Variants in TSHZ2 observed in about 807,000 individuals in gnomAD.
TSHZ2 encodes teashirt zinc finger homeobox 2.
A neutral mutation model predicts 74.4 loss-of-function variants in TSHZ2; 21 were observed. The observed-to-expected ratio is 0.28, with a 90% CI of 0.20 to 0.41. The LOEUF (loss-of-function observed/expected upper bound fraction) is 0.41. Ranked by LOEUF, TSHZ2 falls within the 10% of genes least tolerant of loss-of-function variation. The probability of loss-of-function intolerance (pLI) is 1.00; values close to 1 mark genes in which losing one functional copy is unlikely to be tolerated. For synonymous variants in TSHZ2, 540 were observed against 515.3 expected (o/e 1.05, Z -0.65); for missense variants, 1,244 against 1,293.5 (o/e 0.96, Z 0.59).
chr20:53,065,081 T>A (rs747545772), intron 1 of TSHZ2, among the ~76,000 whole-genome samples: 12 of 152,232 alleles, frequency 7.9e-5, no homozygotes, highest in Non-Finnish European at 1.8e-4. Context: ...ATTTATGTGA[T>A]CTTTGTCAAT....
chr20:53,419,074 C>T, intron 2 of TSHZ2, among the ~76,000 whole-genome samples: 1 of 152,194 alleles, frequency 6.6e-6, no homozygotes, highest in East Asian at 1.9e-4. Flanking sequence ...AAAGCTAGAT[C>T]CATCGGGAAG....
chr20:53,330,016 C>G lies in TSHZ2; in HGVS notation c.*8+73445C>G, dbSNP rs139747890. On this transcript the variant is annotated intron_variant, in intron 2 of 2. Transcript: ENST00000371497. ...GAACACAGCCATGTCCATTTGTTTA[C>G]ATGTTATCTATGGCTAATTTCACGA... Among the ~76,000 whole-genome samples the G allele has an allele frequency of 7.2e-5, 11 of 152,312 alleles. No homozygotes were observed. The East Asian group carries it at 2.1e-3, about 29-fold the overall frequency.
intron 1 of TSHZ2, among the ~76,000 whole-genome samples, chr20:53,190,137 A>ATATATATATATATATATATT (rs1568803538): frequency 1.1e-5 from 1 of 90,498 alleles, no homozygotes; most frequent in Non-Finnish European, 2.2e-5. Context: ...ATATATATAT[A>ATATATATATATATATATATT]TTTTCTTAAA....
chr20:53,089,210 C>T (rs1265135986), intron 1 of TSHZ2, among the ~76,000 whole-genome samples: 1 of 150,684 alleles, frequency 6.6e-6, no homozygotes, highest in African/African-American at 2.4e-5. Context: ...AATGTTAGCT[C>T]ATAAAACATA....
At chr20:53,476,655 G>T (rs1268277267) in intron 2 of TSHZ2, among the ~76,000 whole-genome samples, 1 of 142,078 alleles carries the variant, frequency 7.0e-6, no homozygotes, top group East Asian at 2.1e-4. Flanking sequence ...GGAAGTTCTG[G>T]CCAGGGCAAT....
At chr20:53,416,618 G>A (rs1421024212) in intron 2 of TSHZ2, among the ~76,000 whole-genome samples, 1 of 152,186 alleles carries the variant, frequency 6.6e-6, no homozygotes, top group African/African-American at 2.4e-5. Context: ...TTGAGTACCT[G>A]TTACAGAAAC....
intron 1 of TSHZ2, among the ~76,000 whole-genome samples, chr20:53,080,195 A>G (rs980702956): frequency 6.6e-6 from 1 of 152,224 alleles, no homozygotes; most frequent in Non-Finnish European, 1.5e-5. Flanking sequence ...AAAAGGCTCT[A>G]GAGAGAAATT....
intron 1 of TSHZ2, among the ~76,000 whole-genome samples, chr20:53,182,652 T>G (rs1004488186): frequency 2.0e-5 from 3 of 152,234 alleles, no homozygotes; most frequent in African/African-American, 7.2e-5. Flanking sequence ...TTTGGTAATC[T>G]GAACTTCTCT....
intron 1 of TSHZ2, among the ~76,000 whole-genome samples, chr20:53,203,192 T>A (rs1989051680): frequency 1.6e-5 from 1 of 64,138 alleles, no homozygotes; most frequent in South Asian, 6.4e-4. Context: ...CAGACTCAAA[T>A]TTTTTTTTTT....
At chr20:53,063,662 C>T (rs1984888120) in intron 1 of TSHZ2, among the ~76,000 whole-genome samples, 4 of 152,140 alleles carry the variant, frequency 2.6e-5, no homozygotes, top group South Asian at 4.1e-4. Context: ...TGTGTGTTTG[C>T]TTGCATGCAT....
At chr20:53,419,930 C>A (rs185362440) in intron 2 of TSHZ2, among the ~76,000 whole-genome samples, 168 of 152,362 alleles carry the variant, frequency 1.1e-3, no homozygotes, top group African/African-American at 3.8e-3. Context: ...AGGCAGCTGA[C>A]ATAATTATGC....
chr20:53,349,416 C>G lies in TSHZ2; in HGVS notation c.*8+92845C>G, dbSNP rs559839679. 4.3e-4 allele frequency among the ~76,000 whole-genome samples: 66 copies of G among 152,274 alleles called. 1 individual carries two copies. The South Asian group carries it at 0.011, about 25-fold the overall frequency. ...CCTATAATCCTAGCACTTTAAGAGG[C>G]TGAGGAAGGCAGATCACTTGAGTCC... On this transcript the variant is annotated intron_variant, in intron 2 of 2. Coordinates refer to ENST00000371497, the MANE Select transcript of TSHZ2 (RefSeq NM_173485.6).
intron 1 of TSHZ2, among the ~76,000 whole-genome samples, chr20:53,059,372 T>C (rs527453614): frequency 6.6e-6 from 1 of 152,314 alleles, no homozygotes; most frequent in Non-Finnish European, 1.5e-5. Flanking sequence ...TTTAGTTCTA[T>C]TGCAACATGG....
At chr20:53,142,542 A>G (rs1021304943) in intron 1 of TSHZ2, among the ~76,000 whole-genome samples, 3 of 152,246 alleles carry the variant, frequency 2.0e-5, no homozygotes, top group Non-Finnish European at 4.4e-5. Flanking sequence ...AGGCCAGAGG[A>G]TGTTCTCTAG....
chr20:53,194,393 T>C (rs1234136941), intron 1 of TSHZ2, among the ~76,000 whole-genome samples: 1 of 152,232 alleles, frequency 6.6e-6, no homozygotes, highest in African/African-American at 2.4e-5. Context: ...CTAGTCAACG[T>C]ACATTATTGG....
chr20:53,347,634 CT>C (rs11479969), intron 2 of TSHZ2, among the ~76,000 whole-genome samples: 5,319 of 150,722 alleles, frequency 0.035, 273 homozygotes, highest in African/African-American at 0.12. Flanking sequence ...ATCTTTTTTA[CT>C]TTTTTTTTTT....
At chr20:53,000,507 T>C (rs759891177) in intron 1 of TSHZ2, among the ~76,000 whole-genome samples, 2 of 152,196 alleles carry the variant, frequency 1.3e-5, no homozygotes, top group Non-Finnish European at 2.9e-5. Context: ...ATATTAAAAC[T>C]GATTTCATGG....
intron 2 of TSHZ2, among the ~76,000 whole-genome samples, chr20:53,315,215 A>T (rs1978956236): frequency 6.6e-6 from 1 of 152,264 alleles, no homozygotes; most frequent in South Asian, 2.1e-4. Flanking sequence ...TTCTTTCAAC[A>T]TCAAAACTAT....
chr20:53,267,293 G>A lies in TSHZ2; in HGVS notation c.*8+10722G>A, dbSNP rs144707866. ...AGGGCAGAGCCTGTGTCGAGGCTCC[G>A]AGGCCAGTAAGAAGAGGGACAAGTA... On this transcript the variant is annotated intron_variant, in intron 2 of 2. Transcript: ENST00000371497. Among the ~76,000 whole-genome samples, 14 of 152,292 alleles carry A rather than the reference G, an allele frequency of 9.2e-5. No homozygotes were observed. In the East Asian group the frequency reaches 2.1e-3, roughly 23 times the overall value.
Sources: gnomAD v4.1 joint callset for allele counts (sites outside exome capture counted in the v4.1 genomes callset) on GRCh38, gnomAD v4.1.1 for gene constraint, MANE v1.5 for transcripts, NCBI Gene and HGNC (gene_info 2026-07-23, HGNC 2026-07-21) for gene names.